The following MAGI2 variants were observed in gnomAD, a reference collection of about 807,000 sequenced individuals.
MAGI2 encodes the protein membrane associated guanylate kinase, WW and PDZ domain containing 2.
In MAGI2, 35 loss-of-function variants were observed where a neutral mutation model predicts 133.3. The observed-to-expected ratio is 0.26, with a 90% CI of 0.20 to 0.35. The LOEUF (loss-of-function observed/expected upper bound fraction) is 0.35, where lower values mean the gene tolerates loss of function less well. MAGI2 is among the 10% of genes least tolerant of loss of function. The pLI, the probability that MAGI2 is intolerant of heterozygous loss-of-function variation, is 1.00. For missense variants in MAGI2, 1,636 were observed against 1,863.4 expected, an observed-to-expected ratio of 0.88 and a Z score of 2.25; for synonymous variants, 729 against 710.6, an observed-to-expected ratio of 1.03 and a Z score of -0.41.
rs5885086 is a variant in MAGI2 at position 78,685,466 on chromosome 7, GTTTTTT to G, written c.419-58233_419-58228del. Among the ~76,000 whole-genome samples, 1,169 of 141,630 alleles carry G rather than the reference GTTTTTT, an allele frequency of 8.3e-3. 61 individuals are homozygous for G. The East Asian group carries it at 0.14, about 17-fold the overall frequency. The allele number at this position is 141,630 out of a possible 152,430, so 92.9% of individuals were successfully genotyped here. On this transcript the variant is annotated intron_variant, in intron 2 of 21. Transcript: ENST00000354212. The stretch of plus-strand genomic sequence containing the variant: ...ACACTCCCTTCAATTTGTCATTGTC[GTTTTTT>G]TTTTTTTTAACAGCCCCACGAGTAA...
At chr7:79,051,517 T>C (rs1240739843) in intron 1 of MAGI2, among the ~76,000 whole-genome samples, 13 of 152,228 alleles carry the variant, frequency 8.5e-5, no homozygotes, top group Admixed American at 8.5e-4. Flanking sequence ...TTTCATCGTT[T>C]TGCAGCAGGA....
rs1052544733 is a variant in MAGI2, at chr7:79,291,019, T to C, written c.301+162001A>G. ...GTGGAGCTATCACTATGAATCATTA[T>C]AAAATATTTTCACCACCTTAGAAAG... On this transcript the variant is annotated intron_variant, in intron 1 of 21. Coordinates refer to ENST00000354212, the MANE Select transcript of MAGI2 (RefSeq NM_012301.4). Among the ~76,000 whole-genome samples, 4 of 152,176 alleles carry C rather than the reference T, an allele frequency of 2.6e-5. No individual in the cohort carries two copies. The East Asian group carries it at 7.7e-4, about 29-fold the overall frequency.
At chr7:78,991,947 C>T (rs955172537) in intron 2 of MAGI2, among the ~76,000 whole-genome samples, 1 of 152,018 alleles carries the variant, frequency 6.6e-6, no homozygotes, top group African/African-American at 2.4e-5. Flanking sequence ...CTACTCTTCT[C>T]TTAATCATAA....
chr7:78,075,801 T>A (rs1020431186), intron 21 of MAGI2, among the ~76,000 whole-genome samples: 1 of 152,202 alleles, frequency 6.6e-6, no homozygotes, highest in African/African-American at 2.4e-5. Flanking sequence ...TCAGTCACTA[T>A]GAAATTCCAG....
intron 2 of MAGI2, among the ~76,000 whole-genome samples, chr7:78,908,152 G>C (rs185357953): frequency 1.2e-4 from 18 of 152,236 alleles, no homozygotes; most frequent in Non-Finnish European, 1.5e-5. Flanking sequence ...AGTGAAGTTG[G>C]AGTAGAATGC....
chr7:79,043,542 C>CAAAAA (rs58828466), intron 1 of MAGI2, among the ~76,000 whole-genome samples: 138 of 40,228 alleles, frequency 3.4e-3, no homozygotes, highest in East Asian at 4.0e-3. Flanking sequence ...GACTCCATCA[C>CAAAAA]AAAAAAAAAA....
Position 78,135,166 on chromosome 7 carries a change from A to C in MAGI2, c.2886T>G (p.Pro962=). Residue 962 remains proline (P), a synonymous_variant, in exon 17 of 22, where the codon CCT becomes CCG. Transcript: ENST00000354212. ...HKIGRIIDGS[P]ADRCAKLKVG... is the part of the protein sequence containing the mutation. ...CTTTTAGTTTTGCACAGCGATCTGC[A>C]GGACTCCCATCAATGATGCGTCCGA... is the stretch of plus-strand genomic sequence containing the variant. 1 of 1,614,178 alleles carries C rather than the reference A, an allele frequency of 6.2e-7. No individual in the cohort carries two copies. Among genetic ancestry groups the C allele is most frequent in the Non-Finnish European group, 8.5e-7 (1 of 1,180,022 alleles).
chr7:79,404,457 T>A (rs1434306788), intron 1 of MAGI2, among the ~76,000 whole-genome samples: 1 of 152,104 alleles, frequency 6.6e-6, no homozygotes, highest in Non-Finnish European at 1.5e-5. Context: ...TGCCTCGGCC[T>A]CCCAAAGTTC....
intron 2 of MAGI2, among the ~76,000 whole-genome samples, chr7:78,675,411 G>T (rs1005523018): frequency 1.3e-5 from 2 of 152,042 alleles, no homozygotes; most frequent in African/African-American, 4.8e-5. Context: ...GAAGGAGGGA[G>T]AGAGAAGGCT....
At chr7:78,735,314 C>A (rs1821744528) in intron 2 of MAGI2, among the ~76,000 whole-genome samples, 1 of 152,164 alleles carries the variant, frequency 6.6e-6, no homozygotes, top group African/African-American at 2.4e-5. Flanking sequence ...CCCTGAAGGA[C>A]TTTCATAGAA....
At chr7:79,293,946 G>T (rs1160802024) in intron 1 of MAGI2, among the ~76,000 whole-genome samples, 2 of 152,168 alleles carry the variant, frequency 1.3e-5, no homozygotes, top group Admixed American at 1.3e-4. Flanking sequence ...ACTTTGGGAG[G>T]CCAAGGAGGG....
At chr7:79,336,088 A>G (rs996800412) in intron 1 of MAGI2, among the ~76,000 whole-genome samples, 3 of 152,130 alleles carry the variant, frequency 2.0e-5, no homozygotes, top group Admixed American at 1.3e-4. Flanking sequence ...CAAATTGATA[A>G]TTCAGAAGGA....
intron 20 of MAGI2, among the ~76,000 whole-genome samples, chr7:78,123,055 A>T (rs1820617660): frequency 6.6e-6 from 1 of 152,166 alleles, no homozygotes; most frequent in Non-Finnish European, 1.5e-5. Flanking sequence ...CTGAATGTCC[A>T]TTGTGTTTCT....
At chr7:79,261,193 G>A (rs1834060306) in intron 1 of MAGI2, among the ~76,000 whole-genome samples, 1 of 152,188 alleles carries the variant, frequency 6.6e-6, no homozygotes, top group African/African-American at 2.4e-5. Flanking sequence ...GATTGAATGG[G>A]AAGACTTGAT....
At chr7:78,913,364 C>T (rs1377390855) in intron 2 of MAGI2, among the ~76,000 whole-genome samples, 3 of 152,070 alleles carry the variant, frequency 2.0e-5, no homozygotes, top group Admixed American at 1.3e-4. Flanking sequence ...ACTTTTGCCT[C>T]TCTTGCTCCT....
intron 1 of MAGI2, among the ~76,000 whole-genome samples, chr7:79,219,377 C>T (rs1830270471): frequency 6.6e-6 from 1 of 151,956 alleles, no homozygotes; most frequent in African/African-American, 2.4e-5. Context: ...ACTGGCTCTG[C>T]CAAGAGCTCA....
At chr7:79,406,204 T>C (rs1158958016) in intron 1 of MAGI2, among the ~76,000 whole-genome samples, 1 of 152,054 alleles carries the variant, frequency 6.6e-6, no homozygotes, top group Non-Finnish European at 1.5e-5. Context: ...AAAGACAAAG[T>C]ACAAATAGGA....
intron 11 of MAGI2, among the ~76,000 whole-genome samples, chr7:78,200,618 TACAC>T (rs1829160413): frequency 1.3e-5 from 2 of 152,108 alleles, no homozygotes; most frequent in Non-Finnish European, 2.9e-5. Flanking sequence ...CAAAGACACA[TACAC>T]ACATTATATG....
rs140562529 is a variant in MAGI2 at position 79,297,689 on chromosome 7, G to C, written c.301+155331C>G. 2.9e-4 allele frequency among the ~76,000 whole-genome samples: 44 copies of C among 152,264 alleles called. No homozygotes were observed. In the East Asian group the frequency reaches 6.6e-3, roughly 23 times the overall value. On this transcript the variant is annotated intron_variant, in intron 1 of 21. Transcript: ENST00000354212. ...GAATAATATAAATCCAGAGAAATAAGTTTTGTGATATTATTGATAGAGAAT... is the reference window on the plus strand; with the variant it reads ...GAATAATATAAATCCAGAGAAATAACTTTTGTGATATTATTGATAGAGAAT...
Sources: gnomAD v4.1 joint callset for allele counts (sites outside exome capture counted in the v4.1 genomes callset) on GRCh38, gnomAD v4.1.1 for gene constraint, MANE v1.5 for transcripts, NCBI Gene and HGNC (gene_info 2026-07-23, HGNC 2026-07-21) for gene names.